ASB3: variants seen among roughly 807,000 people sequenced by gnomAD.
ASB3 encodes ankyrin repeat and SOCS box protein 3.
In ASB3, 41 loss-of-function variants were observed where a neutral mutation model predicts 54.5. That is an observed-to-expected ratio of 0.75 (90% CI 0.59 to 0.98). The LOEUF is 0.98. ASB3 is among the 50% of genes least tolerant of loss of function. ASB3 has a pLI of 0.00. For missense variants in ASB3, 733 were observed against 620.0 expected (o/e 1.18, Z -1.94); for synonymous variants, 266 against 221.2 (o/e 1.20, Z -1.80).
rs3213768 is a variant in ASB3 at position 53,716,559 on chromosome 2, C to T, written c.782+7G>A. The T allele has an allele frequency of 0.05, 79,943 of 1,608,070 alleles. 4,216 individuals carry two copies. The highest frequency in any genetic ancestry group is 0.25 in the East Asian group (11,249 of 44,704). ...GACCATGTTTATTTTCTGTTTTTAA[C>T]ACTTACTTTGTATGGCCCATTTGTG... On this transcript the variant is annotated splice_region_variant and intron_variant, in intron 6 of 9. Coordinates refer to ENST00000263634, the MANE Select transcript of ASB3 (RefSeq NM_016115.5).
chr2:53,675,899 A>G (rs1668058143), intron 9 of ASB3, among the ~76,000 whole-genome samples: 1 of 152,212 alleles, frequency 6.6e-6, no homozygotes, highest in Non-Finnish European at 1.5e-5. Context: ...TTTAACCTGC[A>G]TTGCAGGGCA....
At chr2:53,691,626 G>A (rs530410329) in intron 9 of ASB3, among the ~76,000 whole-genome samples, 3 of 152,106 alleles carry the variant, frequency 2.0e-5, no homozygotes, top group Admixed American at 6.5e-5. Context: ...TAGAGATCCT[G>A]TAGCTCAAAA....
At chr2:53,785,155 C>A (rs369357411) in intron 1 of ASB3, among the ~76,000 whole-genome samples, 6 of 152,244 alleles carry the variant, frequency 3.9e-5, no homozygotes, top group Admixed American at 6.5e-5. Context: ...CACTTCCTCA[C>A]AGAAGTCTCC....
chr2:53,761,516 G>A (rs1468889960), intron 2 of ASB3, among the ~76,000 whole-genome samples: 1 of 152,066 alleles, frequency 6.6e-6, no homozygotes, highest in Non-Finnish European at 1.5e-5. Flanking sequence ...CTGATCCTCA[G>A]GCCTTCAAAC....
intron 1 of ASB3, chr2:53,767,432 G>A (rs1673539313): frequency 6.5e-6 from 1 of 154,188 alleles, no homozygotes; most frequent in South Asian, 2.0e-4. Context: ...CGTGTTTCTA[G>A]GTGCTTTGCT....
chr2:53,727,259 T>C (rs1427380041), intron 5 of ASB3, among the ~76,000 whole-genome samples: 1 of 152,196 alleles, frequency 6.6e-6, no homozygotes, highest in East Asian at 1.9e-4. Context: ...CAATTGGCAC[T>C]TAATGAATGT....
chr2:53,768,398 T>TA (rs1197282470), intron 1 of ASB3, among the ~76,000 whole-genome samples: 4 of 152,264 alleles, frequency 2.6e-5, no homozygotes, highest in African/African-American at 7.2e-5. Flanking sequence ...GTTGAAATAG[T>TA]AAATCAAGTT....
chr2:53,687,928 G>A (rs890237821), intron 9 of ASB3, among the ~76,000 whole-genome samples: 17 of 152,146 alleles, frequency 1.1e-4, no homozygotes, highest in African/African-American at 4.1e-4. Flanking sequence ...CGATCCTCCT[G>A]CCTATGCCTC....
chr2:53,697,115 G>A (rs1669224581), intron 8 of ASB3, among the ~76,000 whole-genome samples: 1 of 152,200 alleles, frequency 6.6e-6, no homozygotes. Flanking sequence ...GGTGATGAAA[G>A]TGACCTCTGG....
chr2:53,728,607 T>C, intron 5 of ASB3, 105 bp downstream of exon 5: 1 of 1,350,218 alleles, frequency 7.4e-7, no homozygotes, highest in Non-Finnish European at 9.6e-7. Flanking sequence ...CATAAAACCA[T>C]AAATTTCACA....
At chr2:53,683,842 C>CT (rs940110958) in intron 9 of ASB3, among the ~76,000 whole-genome samples, 1 of 151,906 alleles carries the variant, frequency 6.6e-6, no homozygotes, top group Non-Finnish European at 1.5e-5. Flanking sequence ...TTATTTGGAT[C>CT]TTTTTTTCTT....
chr2:53,744,519 A>G (rs1366537646), intron 3 of ASB3, among the ~76,000 whole-genome samples: 1 of 152,206 alleles, frequency 6.6e-6, no homozygotes, highest in Non-Finnish European at 1.5e-5. Context: ...TGTAACTTTT[A>G]GTAAACTCCA....
At chr2:53,707,625 C>T (rs569051258) in intron 7 of ASB3, among the ~76,000 whole-genome samples, 114 of 143,166 alleles carry the variant, frequency 8.0e-4, no homozygotes, top group Middle Eastern at 4.2e-3. Flanking sequence ...CCAGCCTGGG[C>T]GACACAGCGA....
At chr2:53,705,563 G>A (rs571792068) in intron 7 of ASB3, among the ~76,000 whole-genome samples, 10 of 152,202 alleles carry the variant, frequency 6.6e-5, no homozygotes, top group Non-Finnish European at 1.2e-4. Flanking sequence ...CTTTCTGTGA[G>A]TTTATCCTGT....
intron 5 of ASB3, among the ~76,000 whole-genome samples, chr2:53,724,582 T>C (rs930283899): frequency 4.1e-5 from 6 of 145,476 alleles, no homozygotes; most frequent in Non-Finnish European, 6.0e-5. Context: ...CTGGGCAACA[T>C]AGCAAGACTC....
intron 5 of ASB3, among the ~76,000 whole-genome samples, chr2:53,725,685 G>T (rs1218913121): frequency 6.6e-6 from 1 of 152,098 alleles, no homozygotes; most frequent in Admixed American, 6.6e-5. Flanking sequence ...CATCAAGACG[G>T]AAAAGGCTGT....
chr2:53,700,263 T>C lies in ASB3; in HGVS notation c.1238+8A>G. On this transcript the variant is annotated splice_region_variant and intron_variant, in intron 8 of 9. Coordinates refer to ENST00000263634, the MANE Select transcript of ASB3 (RefSeq NM_016115.5). ...AAGGGTAAGCCCGACTATGGTAGAA[T>C]TTCTTACCAAGAATTGCACAGTAGA... 6.2e-7 allele frequency: 1 copy of C among 1,609,222 alleles called. No individual in the cohort carries two copies. The highest frequency in any genetic ancestry group is 8.5e-7 in the Non-Finnish European group (1 of 1,177,606).
chr2:53,701,748 T>C (rs775183067), intron 7 of ASB3, among the ~76,000 whole-genome samples: 12 of 152,226 alleles, frequency 7.9e-5, no homozygotes, highest in Non-Finnish European at 1.6e-4. Context: ...AACTTTCAGA[T>C]ACTTTTCAGA....
intron 9 of ASB3, among the ~76,000 whole-genome samples, chr2:53,692,218 G>A (rs981655017): frequency 5.9e-4 from 90 of 152,206 alleles, no homozygotes; most frequent in Admixed American, 4.3e-3. Context: ...GTGTTAACTC[G>A]CTCTCTTGGT....
Sources: allele counts gnomAD v4.1 joint callset (sites outside exome capture counted in the v4.1 genomes callset), GRCh38; gene constraint gnomAD v4.1.1; transcripts MANE v1.5; gene names NCBI Gene and HGNC (gene_info 2026-07-23, HGNC 2026-07-21).